The following GLG1 variants were observed in gnomAD, a reference collection of about 807,000 sequenced individuals.
GLG1 encodes the protein golgi glycoprotein 1.
Under a neutral mutation model 160.5 loss-of-function variants are expected in GLG1, and 38 were observed. The ratio of observed to expected loss-of-function variants is 0.24; its 90% confidence interval spans 0.18 to 0.31. GLG1 has a LOEUF of 0.31. GLG1 is among the 10% of genes least tolerant of loss of function. The probability of loss-of-function intolerance (pLI) is 1.00; values close to 1 mark genes in which losing one functional copy is unlikely to be tolerated. For synonymous variants in GLG1, 644 were observed against 543.4 expected (o/e 1.19, Z -2.57); for missense variants, 1,373 against 1,505.2 (o/e 0.91, Z 1.45).
At position 74,447,579 on chromosome 16, in the gene GLG1, C is replaced by G. The variant is rs1192493794; in HGVS notation, c.*5588G>C. 7 of 152,210 alleles carry G rather than the reference C, an allele frequency of 4.6e-5. No individual in the cohort carries two copies. Among genetic ancestry groups the G allele is most frequent in the Non-Finnish European group, 1.0e-4 (7 of 68,040 alleles). 9.4% of individuals were successfully genotyped at this position (152,210 alleles called of 1,614,324 possible). A position where few individuals can be genotyped will look rare whatever the true frequency, so the allele number is the denominator to read the frequency against. On this transcript the variant is annotated 3_prime_UTR_variant, in exon 26 of 26. Coordinates refer to ENST00000422840, the MANE Select transcript of GLG1 (RefSeq NM_001145667.2). ...AACAAGGGACCACCACGATTTTATA[C>G]ATAGAAAGGAAACCCATTTACAAAA...
At chr16:74,595,275 C>T (rs770205352) in intron 1 of GLG1, among the ~76,000 whole-genome samples, 15 of 152,124 alleles carry the variant, frequency 9.9e-5, no homozygotes, top group Non-Finnish European at 1.9e-4. Flanking sequence ...TGGTGGCTCA[C>T]GCCTGTAATC....
At chr16:74,582,357 G>A (rs1466598436) in intron 1 of GLG1, among the ~76,000 whole-genome samples, 1 of 151,884 alleles carries the variant, frequency 6.6e-6, no homozygotes, top group Non-Finnish European at 1.5e-5. Flanking sequence ...GTAGAGATGG[G>A]GTTTCATCAC....
rs116616462 is a variant in GLG1 at position 74,578,547 on chromosome 16, G to A, written c.438+28110C>T. Among the ~76,000 whole-genome samples the A allele has an allele frequency of 8.3e-3, 1,266 of 152,288 alleles. 18 individuals carry two copies. The highest frequency in any genetic ancestry group is 0.029 in the African/African-American group (1,205 of 41,544). On this transcript the variant is annotated intron_variant, in intron 1 of 25. Coordinates refer to ENST00000422840, the MANE Select transcript of GLG1 (RefSeq NM_001145667.2). The stretch of plus-strand genomic sequence containing the variant: ...TAAATAAGAGTAAAGAGCTAAAACA[G>A]TTGAAATTGCAGAGAACTAAGACTG...
At chr16:74,533,795 ATTTAT>A (rs1466146481) in intron 1 of GLG1, among the ~76,000 whole-genome samples, 1 of 152,202 alleles carries the variant, frequency 6.6e-6, no homozygotes, top group African/African-American at 2.4e-5. Flanking sequence ...AAAAAGCATA[ATTTAT>A]TTTGAGTTTC....
chr16:74,525,508 T>C (rs2017307309), intron 2 of GLG1, among the ~76,000 whole-genome samples: 1 of 151,508 alleles, frequency 6.6e-6, no homozygotes, highest in Non-Finnish European at 1.5e-5. Flanking sequence ...GTTGCCCAGG[T>C]TGGTCTTGAA....
chr16:74,604,241 CA>C (rs1206777508), intron 1 of GLG1, among the ~76,000 whole-genome samples: 1 of 152,082 alleles, frequency 6.6e-6, no homozygotes, highest in Admixed American at 6.6e-5. Context: ...TTCCAAAAAG[CA>C]AAAGTTAAGT....
At chr16:74,566,487 T>A (rs1442323127) in intron 1 of GLG1, among the ~76,000 whole-genome samples, 2 of 152,230 alleles carry the variant, frequency 1.3e-5, no homozygotes, top group African/African-American at 2.4e-5. Flanking sequence ...CATATTTTAA[T>A]CCTTTAAAGA....
At chr16:74,521,900 C>T (rs2017176728) in intron 2 of GLG1, among the ~76,000 whole-genome samples, 1 of 152,114 alleles carries the variant, frequency 6.6e-6, no homozygotes, top group Admixed American at 6.5e-5. Flanking sequence ...CCATGGGAAC[C>T]AATATCCTTT....
At chr16:74,500,422 T>A (rs1242361912) in intron 4 of GLG1, among the ~76,000 whole-genome samples, 1 of 151,924 alleles carries the variant, frequency 6.6e-6, no homozygotes, top group East Asian at 1.9e-4. Flanking sequence ...ATAGGCAGTA[T>A]TTTTCTTCCC....
At chr16:74,492,828 A>C in intron 7 of GLG1, 129 bp downstream of exon 7, 1 of 510,236 alleles carries the variant, frequency 2.0e-6, no homozygotes, top group South Asian at 5.1e-5. Flanking sequence ...CTCAAGAAAA[A>C]AAAAAAAAAA....
At chr16:74,552,503 T>A (rs2018229015) in intron 1 of GLG1, 1 of 438,522 alleles carries the variant, frequency 2.3e-6, no homozygotes, top group Non-Finnish European at 4.6e-6. Flanking sequence ...ATTACCTCCA[T>A]CTGCCCCGTG....
chr16:74,531,326 T>C (rs540398729), intron 2 of GLG1, among the ~76,000 whole-genome samples: 2 of 152,248 alleles, frequency 1.3e-5, no homozygotes, highest in South Asian at 2.1e-4. Flanking sequence ...CTTTTATTTA[T>C]TGATTTATTT....
chr16:74,583,943 G>C (rs1957991975), intron 1 of GLG1, among the ~76,000 whole-genome samples: 1 of 152,078 alleles, frequency 6.6e-6, no homozygotes, highest in East Asian at 1.9e-4. Context: ...TCAAACGAAT[G>C]AACAAAAGCA....
At chr16:74,478,437 C>T (rs1003313586) in intron 11 of GLG1, among the ~76,000 whole-genome samples, 1 of 151,990 alleles carries the variant, frequency 6.6e-6, no homozygotes, top group African/African-American at 2.4e-5. Context: ...TTGACAGATA[C>T]AGTTAGTCTC....
Position 74,503,762 on chromosome 16 carries a change from T to G in GLG1, c.559-16A>C. 1 of 1,530,948 alleles carries G rather than the reference T, an allele frequency of 6.5e-7. No individual in the cohort carries two copies. The highest frequency in any genetic ancestry group is 9.1e-7 in the Non-Finnish European group (1 of 1,104,960). 94.8% of individuals were successfully genotyped at this position (1,530,948 alleles called of 1,614,324 possible). A position where few individuals can be genotyped will look rare whatever the true frequency, so the allele number is the denominator to read the frequency against. On this transcript the variant is annotated splice_polypyrimidine_tract_variant and intron_variant, in intron 3 of 25. Transcript: ENST00000422840. ...ATTCTTTAATCTGCTCAAAATAAAG[T>G]AGCTGTTTTACAAAAGTGTTCCATG...
intron 11 of GLG1, among the ~76,000 whole-genome samples, chr16:74,479,320 C>A: frequency 6.6e-6 from 1 of 150,470 alleles, no homozygotes; most frequent in South Asian, 2.1e-4. Flanking sequence ...AAAACCAGCA[C>A]CACAGACTCC....
intron 19 of GLG1, among the ~76,000 whole-genome samples, chr16:74,465,321 C>G (rs1227691028): frequency 6.6e-6 from 1 of 152,224 alleles, no homozygotes; most frequent in East Asian, 1.9e-4. Flanking sequence ...TTTCTTAGTA[C>G]AGCTACTATT....
chr16:74,602,344 G>T (rs1010009448), intron 1 of GLG1, among the ~76,000 whole-genome samples: 1 of 152,088 alleles, frequency 6.6e-6, no homozygotes, highest in Admixed American at 6.6e-5. Context: ...GCAAAAGAAA[G>T]ATTATACATT....
intron 25 of GLG1, 69 bp downstream of exon 25, chr16:74,456,580 A>G (rs2014549707): frequency 1.1e-6 from 1 of 921,224 alleles, no homozygotes; most frequent in Non-Finnish European, 1.8e-6. Flanking sequence ...CTCAAGGATG[A>G]CATGCAAATT....
Sources: gnomAD v4.1 joint callset for allele counts (sites outside exome capture counted in the v4.1 genomes callset) on GRCh38, gnomAD v4.1.1 for gene constraint, MANE v1.5 for transcripts, NCBI Gene and HGNC (gene_info 2026-07-23, HGNC 2026-07-21) for gene names.